The following CHD6 variants were observed in gnomAD, a reference collection of about 807,000 sequenced individuals.
CHD6 encodes the protein ATP-dependent chromatin remodeler CHD6.
CHD6 carries 50 observed loss-of-function variants against 276.9 expected under a neutral mutation model. The ratio of observed to expected loss-of-function variants is 0.18; its 90% CI spans 0.14 to 0.23. CHD6 has a LOEUF of 0.23. CHD6 is among the 10% of genes least tolerant of loss of function. The pLI, the probability that CHD6 is intolerant of heterozygous loss-of-function variation, is 1.00. For missense variants in CHD6, 2,564 were observed against 3,365.8 expected, an observed-to-expected ratio of 0.76 and a Z score of 5.89; for synonymous variants, 1,173 against 1,229.3, an observed-to-expected ratio of 0.95 and a Z score of 0.96.
chr20:41,437,091 G>C (rs1413626891), intron 27 of CHD6, 183 bp downstream of exon 27: 7 of 570,298 alleles, frequency 1.2e-5, no homozygotes, highest in African/African-American at 1.9e-5. Flanking sequence ...AAAATAAAAA[G>C]TTTAATTAGA....
chr20:41,441,727 C>G (rs1255923710), intron 25 of CHD6, among the ~76,000 whole-genome samples: 1 of 152,194 alleles, frequency 6.6e-6, no homozygotes, highest in African/African-American at 2.4e-5. Context: ...GGAAGAATGA[C>G]TCTTTCAGTC....
intron 2 of CHD6, among the ~76,000 whole-genome samples, chr20:41,541,083 A>C (rs564411860): frequency 6.6e-6 from 1 of 150,752 alleles, no homozygotes; most frequent in African/African-American, 2.4e-5. Flanking sequence ...CTGCAATTGT[A>C]CTGGAACTTA....
chr20:41,611,981 C>T (rs2045891902), intron 1 of CHD6, among the ~76,000 whole-genome samples: 1 of 152,102 alleles, frequency 6.6e-6, no homozygotes, highest in Admixed American at 6.5e-5. Context: ...CTGAAGTTTC[C>T]CAACACTTTG....
chr20:41,580,227 G>T (rs2045521675), intron 1 of CHD6, among the ~76,000 whole-genome samples: 1 of 152,164 alleles, frequency 6.6e-6, no homozygotes, highest in Non-Finnish European at 1.5e-5. Context: ...TTTATGTTTT[G>T]CTCTGTAACT....
chr20:41,532,353 T>G (rs2044706578), intron 3 of CHD6, among the ~76,000 whole-genome samples: 1 of 152,204 alleles, frequency 6.6e-6, no homozygotes. Flanking sequence ...TAGGGGAACC[T>G]AGTCAGTCCT....
chr20:41,417,264 A>G lies in CHD6; in HGVS notation c.6213T>C (p.Ala2071=), dbSNP rs1353470974. 8.7e-6 allele frequency: 14 copies of G among 1,614,012 alleles called. No homozygotes were observed. The highest frequency in any genetic ancestry group is 5.0e-5 in the Admixed American group (3 of 59,996). The stretch of plus-strand genomic sequence containing the variant: ...GCAGCTGAGCAATAGTGGGAGCTCG[A>G]GCCTCCTGTAGCTCATCCCCAATGT... ...TGDIGDELQE[A]RAPTIAQLLQ... Residue 2071 remains alanine (A), a synonymous_variant, in exon 32 of 37, where the codon GCT becomes GCC. Transcript: ENST00000373233.
At chr20:41,430,854 A>AT (rs61590579) in intron 27 of CHD6, among the ~76,000 whole-genome samples, 5,660 of 127,526 alleles carry the variant, frequency 0.044, 252 homozygotes, top group East Asian at 0.16. Context: ...CAGAACATGA[A>AT]TTTTTTTTTT....
intron 18 of CHD6, among the ~76,000 whole-genome samples, chr20:41,456,222 T>G (rs2145687295): frequency 6.6e-6 from 1 of 152,194 alleles, no homozygotes; most frequent in South Asian, 2.1e-4. Context: ...TCCCTAACAT[T>G]CTTCAGGATG....
At chr20:41,468,939 C>G (rs542957171) in intron 17 of CHD6, among the ~76,000 whole-genome samples, 46 of 152,298 alleles carry the variant, frequency 3.0e-4, no homozygotes, top group African/African-American at 1.1e-3. Context: ...CTGCGGTGAA[C>G]TGACTTCGAG....
At chr20:41,562,633 A>C (rs1428888744) in intron 1 of CHD6, among the ~76,000 whole-genome samples, 2 of 152,204 alleles carry the variant, frequency 1.3e-5, no homozygotes, top group East Asian at 3.8e-4. Context: ...CTGTATAGGT[A>C]AATTTCTGAT....
At chr20:41,521,892 A>G (rs1403777430) in intron 3 of CHD6, among the ~76,000 whole-genome samples, 1 of 152,262 alleles carries the variant, frequency 6.6e-6, no homozygotes, top group Non-Finnish European at 1.5e-5. Flanking sequence ...CCATCTGAAC[A>G]CCAAAGTAAT....
Position 41,437,306 on chromosome 20 carries a change from C to T in CHD6, c.4036G>A (p.Glu1346Lys). 6.2e-7 allele frequency: 1 copy of T among 1,613,636 alleles called. No homozygotes were observed. The highest frequency in any genetic ancestry group is 8.5e-7 in the Non-Finnish European group (1 of 1,179,712). Residue 1346 changes from glutamate to lysine, a missense_variant, in exon 27 of 37, where the codon GAG (glutamate) becomes AAG (lysine). This residue lies in a region of CHD6 where 515 missense variants were observed against 739.5 expected (regional missense o/e 0.70). Coordinates refer to ENST00000373233, the MANE Select transcript of CHD6 (RefSeq NM_032221.5). ...TTCTGGAGGCCATCTACTTTGTCCT[C>T]AGCATTGTCTTCTTTATCTGTGTTG... ...RGNTDKEDNAEDKVDGLQKQT... is the reference protein window; with the variant it reads ...RGNTDKEDNAKDKVDGLQKQT...
intron 31 of CHD6, among the ~76,000 whole-genome samples, chr20:41,420,197 G>T (rs1013601881): frequency 2.0e-5 from 3 of 152,094 alleles, no homozygotes; most frequent in African/African-American, 7.2e-5. Context: ...CTTATCTAGG[G>T]GAAGAACAAA....
At position 41,413,417 on chromosome 20, in the gene CHD6, G is replaced by A. The variant is rs2145410423; in HGVS notation, c.7038C>T (p.Ser2346=). 1 of 1,611,968 alleles carries A rather than the reference G, an allele frequency of 6.2e-7. No individual in the cohort carries two copies. Among genetic ancestry groups the A allele is most frequent in the South Asian group, 1.1e-5 (1 of 90,962 alleles). The change falls in exon 35 of 37, where the codon AGC becomes AGT. Residue 2346 remains serine (S), a synonymous_variant. Transcript: ENST00000373233. ...TSAPEPATAA[S]SQAEKSIPSK... ...TGGGAATGGATTTCTCGGCTTGGCT[G>A]CTGGCTGCCGTAGCTGGCTCAGGAG...
chr20:41,584,289 C>G (rs779067616), intron 1 of CHD6, among the ~76,000 whole-genome samples: 3 of 152,074 alleles, frequency 2.0e-5, no homozygotes, highest in African/African-American at 7.2e-5. Flanking sequence ...AAAGATATAA[C>G]GATCCTTAAT....
Position 41,403,062 on chromosome 20 carries a change from C to A in CHD6, c.*1531G>T. The A allele has an allele frequency of 9.2e-6, 2 of 217,644 alleles. No homozygotes were observed. The highest frequency in any genetic ancestry group is 9.1e-6 in the Non-Finnish European group (1 of 109,856). The allele number at this position is 217,644 out of a possible 1,614,324, so 13.5% of individuals were successfully genotyped here. ...TTTAACATTTACATAATTTATAATCCCAAATGTATAAAAGACAATGAAAAA... is the reference window on the plus strand; with the variant it reads ...TTTAACATTTACATAATTTATAATCACAAATGTATAAAAGACAATGAAAAA... On this transcript the variant is annotated 3_prime_UTR_variant, in exon 37 of 37. Coordinates refer to ENST00000373233, the MANE Select transcript of CHD6 (RefSeq NM_032221.5).
At chr20:41,534,168 C>T (rs58264708) in intron 2 of CHD6, among the ~76,000 whole-genome samples, 1 of 152,154 alleles carries the variant, frequency 6.6e-6, no homozygotes, top group Non-Finnish European at 1.5e-5. Context: ...TAGTCGGTAA[C>T]AATGTGGGTG....
chr20:41,440,478 C>T (rs2047867226), intron 25 of CHD6, among the ~76,000 whole-genome samples: 1 of 152,164 alleles, frequency 6.6e-6, no homozygotes, highest in South Asian at 2.1e-4. Context: ...CTTTATGGGC[C>T]TTGTTTTCTT....
At chr20:41,532,924 T>G (rs2146071765) in intron 3 of CHD6, 126 bp downstream of exon 3, 1,505 of 1,028,898 alleles carry the variant, frequency 1.5e-3, no homozygotes, top group Non-Finnish European at 1.9e-3. Context: ...CCTATACAGG[T>G]GAGATGTGAA....
Sources: gnomAD v4.1 joint callset for allele counts (sites outside exome capture counted in the v4.1 genomes callset) on GRCh38, gnomAD v4.1.1 for gene constraint, gnomAD v4.1.1 regional missense constraint, MANE v1.5 for transcripts, NCBI Gene and HGNC (gene_info 2026-07-23, HGNC 2026-07-21) for gene names.